The following CNOT1 variants were observed in gnomAD, a reference collection of about 807,000 sequenced individuals.
CNOT1 encodes the protein CCR4-NOT transcription complex subunit 1.
In CNOT1, 15 loss-of-function variants were observed where a neutral mutation model predicts 273.8. The ratio of observed to expected loss-of-function variants is 0.05; its 90% CI spans 0.04 to 0.08. CNOT1 has a LOEUF of 0.08. CNOT1 is among the 10% of genes least tolerant of loss of function. The pLI, the probability that CNOT1 is intolerant of heterozygous loss-of-function variation, is 1.00. For missense variants in CNOT1, 1,644 were observed against 2,912.2 expected, an observed-to-expected ratio of 0.56 and a Z score of 10.02; for synonymous variants, 1,022 against 1,005.5, an observed-to-expected ratio of 1.02 and a Z score of -0.31.
At chr16:58,617,746 C>T (rs919646670) in intron 1 of CNOT1, among the ~76,000 whole-genome samples, 2 of 152,200 alleles carry the variant, frequency 1.3e-5, no homozygotes, top group African/African-American at 4.8e-5. Flanking sequence ...TGGCTCATGC[C>T]TGTAATCTCA....
In CNOT1 at chr16:58,547,101, A is replaced by G. The variant is rs1254701828; in HGVS notation, c.3750+85T>C. On this transcript the variant is annotated intron_variant, in intron 27 of 48. Transcript: ENST00000317147. This position sits in a 1 kb window ranked among gnomAD's most constrained non-coding sequence, Gnocchi z 4.0. ...ACTTAACTAGCTTTACCTCACAAGA[A>G]CTAAGAATATAATCTCTTGACCTCA... 24 of 1,505,396 alleles carry G rather than the reference A, an allele frequency of 1.6e-5. No homozygotes were observed. Among genetic ancestry groups the G allele is most frequent in the Admixed American group, 2.2e-5 (1 of 44,920 alleles). The allele number at this position is 1,505,396 out of a possible 1,614,324, so 93.3% of individuals were successfully genotyped here.
At chr16:58,592,110 G>A (rs150011657) in intron 2 of CNOT1, among the ~76,000 whole-genome samples, 9 of 151,898 alleles carry the variant, frequency 5.9e-5, no homozygotes, top group East Asian at 1.9e-4. Context: ...TATTTTACTC[G>A]TCTCCCCTTC....
chr16:58,557,133 T>G, intron 18 of CNOT1, 140 bp from the exon 19 acceptor site: 2 of 1,200,384 alleles, frequency 1.7e-6, no homozygotes, highest in Non-Finnish European at 2.2e-6. Flanking sequence ...TCTTTGTTAA[T>G]TCCCTTATTA....
rs1015867547 is a variant in CNOT1, at chr16:58,547,302, A to G, written c.3640-6T>C. The G allele has an allele frequency of 2.5e-6, 4 of 1,612,526 alleles. No individual in the cohort carries two copies. Among genetic ancestry groups the G allele is most frequent in the Non-Finnish European group, 3.4e-6 (4 of 1,179,510 alleles). On this transcript the variant is annotated splice_polypyrimidine_tract_variant and splice_region_variant and intron_variant, in intron 26 of 48. Coordinates refer to ENST00000317147, the MANE Select transcript of CNOT1 (RefSeq NM_016284.5). The surrounding 1 kb of genome is among the most constrained non-coding windows in gnomAD (Gnocchi z 4.0). ...AATGATTTCACATCCAAGTCCTAGA[A>G]TAAGAAAAATACTTTCAAAAGCGGG...
intron 1 of CNOT1, among the ~76,000 whole-genome samples, chr16:58,603,092 C>G (rs2042532628): frequency 6.6e-6 from 1 of 152,192 alleles, no homozygotes; most frequent in East Asian, 1.9e-4. Flanking sequence ...CCAACCATTT[C>G]TCACAATATC....
intron 1 of CNOT1, among the ~76,000 whole-genome samples, chr16:58,618,561 C>T (rs1272153118): frequency 2.0e-5 from 3 of 151,376 alleles, no homozygotes; most frequent in African/African-American, 4.9e-5. Context: ...CCAGGCTGGG[C>T]GACAGGGCGA....
At chr16:58,608,946 G>C (rs2042789078) in intron 1 of CNOT1, among the ~76,000 whole-genome samples, 1 of 152,206 alleles carries the variant, frequency 6.6e-6, no homozygotes, top group African/African-American at 2.4e-5. Flanking sequence ...TGACACAATA[G>C]ACCTTGGGGA....
At chr16:58,574,449 T>C (rs2041391908) in intron 16 of CNOT1, among the ~76,000 whole-genome samples, 160 bp downstream of exon 16, 1 of 150,282 alleles carries the variant, frequency 6.7e-6, no homozygotes, top group East Asian at 1.9e-4. Context: ...TTAACTCAAA[T>C]GGATCTAGTA....
chr16:58,601,382 C>T (rs1380509462), intron 1 of CNOT1, among the ~76,000 whole-genome samples: 1 of 152,296 alleles, frequency 6.6e-6, no homozygotes, highest in East Asian at 1.9e-4. Context: ...CAGGCGTGAG[C>T]CACTGCGTCC....
intron 29 of CNOT1, among the ~76,000 whole-genome samples, 167 bp downstream of exon 29, chr16:58,546,154 G>A (rs2040251395): frequency 6.6e-6 from 1 of 152,032 alleles, no homozygotes; most frequent in South Asian, 2.1e-4. Context: ...GTAACACAAG[G>A]CCTAGTCATT....
chr16:58,565,855 G>A (rs1474294783), intron 16 of CNOT1, among the ~76,000 whole-genome samples: 1 of 151,668 alleles, frequency 6.6e-6, no homozygotes, highest in African/African-American at 2.4e-5. Flanking sequence ...TGAGGGAACT[G>A]CTTGAACCCA....
chr16:58,551,353 A>G (rs1334564804), intron 23 of CNOT1, 81 bp from the exon 24 acceptor site: 14 of 1,405,880 alleles, frequency 1.0e-5, no homozygotes, highest in Non-Finnish European at 5.8e-6. Context: ...ATACAGATTT[A>G]GTGTTAAAAA....
intron 31 of CNOT1, 53 bp from the exon 32 acceptor site, chr16:58,542,621 A>G: frequency 6.3e-7 from 1 of 1,587,958 alleles, no homozygotes; most frequent in East Asian, 2.3e-5. Flanking sequence ...AAAAGACTTG[A>G]AAGTTGATGT....
At chr16:58,575,155 T>C (rs759253717) in intron 14 of CNOT1, 26 bp from the exon 15 acceptor site, 1 of 1,602,314 alleles carries the variant, frequency 6.2e-7, no homozygotes, top group South Asian at 1.1e-5. Flanking sequence ...CATTAGATAA[T>C]GCAAATGGAG....
chr16:58,534,694 A>C (rs1041790548), intron 39 of CNOT1, among the ~76,000 whole-genome samples: 1 of 152,214 alleles, frequency 6.6e-6, no homozygotes, highest in Non-Finnish European at 1.5e-5. Context: ...CATGCAAATA[A>C]AACAAACTGT....
chr16:58,622,287 C>T (rs1437333594), intron 1 of CNOT1, among the ~76,000 whole-genome samples: 3 of 128,728 alleles, frequency 2.3e-5, no homozygotes, highest in Non-Finnish European at 4.6e-5. Flanking sequence ...GCACTCCAGC[C>T]TGGGTGACAG....
In CNOT1 at chr16:58,586,656, T is replaced by A. The variant is rs1597521768; in HGVS notation, c.526A>T (p.Ile176Leu). 1.2e-6 allele frequency: 2 copies of A among 1,613,172 alleles called. No individual in the cohort carries two copies. The highest frequency in any genetic ancestry group is 1.7e-5 in the Admixed American group (1 of 59,958). ...AGGAGGTGTAGGACCTCTATTGCTA[T>A]ATCTTGGAAGCCACCTTCTTGATTT... is the stretch of plus-strand genomic sequence containing the variant. ...SGNQEGGFQD[I>L]AIEVLHLLLS... The change falls in exon 7 of 49, where the codon ATA becomes TTA. Residue 176 changes from isoleucine (I) to leucine (L), a missense_variant. Transcript: ENST00000317147.
chr16:58,629,449 C>A (rs1440151709), intron 1 of CNOT1, among the ~76,000 whole-genome samples: 1 of 152,122 alleles, frequency 6.6e-6, no homozygotes, highest in Non-Finnish European at 1.5e-5. Flanking sequence ...GGGACAGAGA[C>A]CACCATGGGT....
intron 6 of CNOT1, 45 bp from the exon 7 acceptor site, chr16:58,586,793 C>T (rs768028515): frequency 3.8e-6 from 6 of 1,593,098 alleles, no homozygotes; most frequent in Non-Finnish European, 5.1e-6. Context: ...TTTTGCACCA[C>T]AATGGGTTAA....
Sources: allele counts gnomAD v4.1 joint callset (sites outside exome capture counted in the v4.1 genomes callset), GRCh38; gene constraint gnomAD v4.1.1; non-coding constraint Gnocchi (gnomAD v3.1); transcripts MANE v1.5; gene names NCBI Gene and HGNC (gene_info 2026-07-23, HGNC 2026-07-21).